The following PRUNE2 variants were observed in gnomAD, a reference collection of about 807,000 sequenced individuals.
PRUNE2 encodes the protein protein prune homolog 2.
A neutral mutation model predicts 252.0 loss-of-function variants in PRUNE2; 164 were observed. The observed-to-expected ratio is 0.65, with a 90% CI of 0.57 to 0.74. The LOEUF (loss-of-function observed/expected upper bound fraction) is 0.74, where lower values mean the gene tolerates loss of function less well. Among genes scored for constraint, PRUNE2 ranks in the 30% least tolerant of loss-of-function variants. The probability of loss-of-function intolerance (pLI) is 0.00; values close to 1 mark genes in which losing one functional copy is unlikely to be tolerated. For synonymous variants in PRUNE2, 1,292 were observed against 1,350.2 expected (o/e 0.96, Z 0.94); for missense variants, 3,495 against 3,711.0 (o/e 0.94, Z 1.51).
At chr9:76,733,406 CAT>C (rs2048801725) in intron 6 of PRUNE2, among the ~76,000 whole-genome samples, 2 of 152,056 alleles carry the variant, frequency 1.3e-5, no homozygotes, top group South Asian at 4.2e-4. Context: ...TTCATTCATT[CAT>C]TCATTCATTC....
At position 76,863,367 on chromosome 9, in the gene PRUNE2, A is replaced by G. The variant is rs564335645; in HGVS notation, c.37-9159T>C. On this transcript the variant is annotated intron_variant, in intron 1 of 18. Coordinates refer to ENST00000376718, the MANE Select transcript of PRUNE2 (RefSeq NM_015225.3). ...TGTTTATTATGATTATGAGTGCTTTAGATCACTTTTATATATGGACACAAA... is the reference window on the plus strand; with the variant it reads ...TGTTTATTATGATTATGAGTGCTTTGGATCACTTTTATATATGGACACAAA... 3.3e-5 allele frequency: 5 copies of G among 152,212 alleles called. No individual in the cohort carries two copies. In the South Asian group the frequency reaches 8.3e-4, roughly 25 times the overall value. 9.4% of individuals were successfully genotyped at this position (152,212 alleles called of 1,614,324 possible). A position where few individuals can be genotyped will look rare whatever the true frequency, so the allele number is the denominator to read the frequency against.
chr9:76,824,198 C>T (rs2058210957), intron 5 of PRUNE2, among the ~76,000 whole-genome samples: 1 of 152,124 alleles, frequency 6.6e-6, no homozygotes, highest in Non-Finnish European at 1.5e-5. Context: ...TCAAACCCAA[C>T]CAGAAGCCAG....
At chr9:76,846,398 C>T (rs2059670885) in intron 4 of PRUNE2, 117 bp downstream of exon 4, 1 of 778,860 alleles carries the variant, frequency 1.3e-6, no homozygotes, top group African/African-American at 1.7e-5. Context: ...GATGAAGCTT[C>T]CCGTGGTCTT....
intron 4 of PRUNE2, 33 bp from the exon 5 acceptor site, chr9:76,826,765 T>C: frequency 6.5e-7 from 1 of 1,537,774 alleles, no homozygotes; most frequent in African/African-American, 1.4e-5. Flanking sequence ...CTCTTAAAGC[T>C]TTCCAGCCAA....
intron 6 of PRUNE2, among the ~76,000 whole-genome samples, chr9:76,768,476 G>A (rs1370851794): frequency 6.6e-6 from 1 of 151,724 alleles, no homozygotes; most frequent in African/African-American, 2.4e-5. Context: ...TACAGGCATG[G>A]GCTACTACTC....
intron 18 of PRUNE2, among the ~76,000 whole-genome samples, chr9:76,616,313 A>G (rs1425446953): frequency 3.9e-5 from 6 of 152,196 alleles, no homozygotes; most frequent in African/African-American, 1.4e-4. Context: ...TTGCTTTTAA[A>G]AGGTCCTTCC....
intron 6 of PRUNE2, among the ~76,000 whole-genome samples, chr9:76,765,274 G>A (rs2052217405): frequency 6.6e-6 from 1 of 152,154 alleles, no homozygotes; most frequent in Non-Finnish European, 1.5e-5. Flanking sequence ...GGGGGCATTT[G>A]GAAGAAAACG....
At chr9:76,695,385 G>A (rs1182659862) in intron 9 of PRUNE2, among the ~76,000 whole-genome samples, 1 of 152,174 alleles carries the variant, frequency 6.6e-6, no homozygotes, top group Non-Finnish European at 1.5e-5. Flanking sequence ...CATGGTATAG[G>A]CAACAGATGA....
At chr9:76,806,912 CG>C (rs1226990460) in intron 6 of PRUNE2, among the ~76,000 whole-genome samples, 1 of 151,986 alleles carries the variant, frequency 6.6e-6, no homozygotes, top group Non-Finnish European at 1.5e-5. Context: ...ATTTCAAAGA[CG>C]GAACACACTG....
chr9:76,692,274 C>T, intron 9 of PRUNE2: 1 of 655,542 alleles, frequency 1.5e-6, no homozygotes, highest in Non-Finnish European at 2.8e-6. Flanking sequence ...CTAGGGGGCA[C>T]AGCTGGGGCT....
intron 8 of PRUNE2, 37 bp downstream of exon 8, chr9:76,704,724 C>T: frequency 1.5e-6 from 2 of 1,364,766 alleles, no homozygotes; most frequent in Non-Finnish European, 2.0e-6. Flanking sequence ...ATCAACGCAG[C>T]AGTTTCTTGG....
chr9:76,690,008 GCTT>G, intron 9 of PRUNE2, among the ~76,000 whole-genome samples: 1 of 152,276 alleles, frequency 6.6e-6, no homozygotes, highest in South Asian at 2.1e-4. Flanking sequence ...ATCTACTCCA[GCTT>G]CTTCTCCAAT....
chr9:76,613,250 T>G lies in PRUNE2; in HGVS notation c.*1320A>C, dbSNP rs1306202468. 1 of 151,970 alleles carries G rather than the reference T, an allele frequency of 6.6e-6. No individual in the cohort carries two copies. The highest frequency in any genetic ancestry group is 1.5e-5 in the Non-Finnish European group (1 of 68,008). 9.4% of individuals were successfully genotyped at this position (151,970 alleles called of 1,614,324 possible). On this transcript the variant is annotated 3_prime_UTR_variant, in exon 19 of 19. Coordinates refer to ENST00000376718, the MANE Select transcript of PRUNE2 (RefSeq NM_015225.3). ...TATCTAAATACAAATTGGGGTGGAG[T>G]AGGAAAGGATGCGTTTGCTAGAGCA... is the stretch of plus-strand genomic sequence containing the variant.
intron 9 of PRUNE2, among the ~76,000 whole-genome samples, chr9:76,691,158 G>C (rs1314611004): frequency 6.6e-6 from 1 of 152,230 alleles, no homozygotes; most frequent in Non-Finnish European, 1.5e-5. Context: ...CCATCTGGCT[G>C]TAAGTGGTCC....
intron 4 of PRUNE2, among the ~76,000 whole-genome samples, chr9:76,834,737 A>G (rs968638084): frequency 6.6e-6 from 1 of 152,208 alleles, no homozygotes; most frequent in African/African-American, 2.4e-5. Flanking sequence ...TAACTCAGAA[A>G]AATGCTCATG....
chr9:76,903,819 C>T (rs2133781862), intron 1 of PRUNE2, among the ~76,000 whole-genome samples: 1 of 152,250 alleles, frequency 6.6e-6, no homozygotes, highest in Non-Finnish European at 1.5e-5. Flanking sequence ...AACTCCTGAC[C>T]TCAGGTGATC....
chr9:76,873,342 A>G (rs192501381), intron 1 of PRUNE2, among the ~76,000 whole-genome samples: 170 of 152,268 alleles, frequency 1.1e-3, no homozygotes, highest in African/African-American at 3.8e-3. Context: ...AAGTTTTTTT[A>G]AAAGAAGCCT....
chr9:76,615,769 G>GTTTTGT (rs1554756773), intron 18 of PRUNE2, among the ~76,000 whole-genome samples: 2 of 93,966 alleles, frequency 2.1e-5, no homozygotes, highest in African/African-American at 8.1e-5. Flanking sequence ...TGTGTGTGTG[G>GTTTTGT]TTTTTTTTTT....
At chr9:76,697,072 A>G (rs2045462995) in intron 9 of PRUNE2, among the ~76,000 whole-genome samples, 1 of 152,188 alleles carries the variant, frequency 6.6e-6, no homozygotes, top group African/African-American at 2.4e-5. Flanking sequence ...ATGCGAATAT[A>G]CCCTGCTTTC....
Sources: gnomAD v4.1 joint callset for allele counts (sites outside exome capture counted in the v4.1 genomes callset) on GRCh38, gnomAD v4.1.1 for gene constraint, MANE v1.5 for transcripts, NCBI Gene and HGNC (gene_info 2026-07-23, HGNC 2026-07-21) for gene names.